ADGRB3: variants seen among roughly 807,000 people sequenced by gnomAD.
ADGRB3 encodes brain-specific angiogenesis inhibitor 3.
ADGRB3 carries 37 observed loss-of-function variants against 193.4 expected under a neutral mutation model. The ratio of observed to expected loss-of-function variants is 0.19; its 90% CI spans 0.15 to 0.25. The LOEUF is 0.25. Ranked by LOEUF, ADGRB3 falls within the 10% of genes least tolerant of loss-of-function variation. The pLI is 1.00. For synonymous variants in ADGRB3, 690 were observed against 644.2 expected, an observed-to-expected ratio of 1.07 and a Z score of -1.08; for missense variants, 1,637 against 1,852.9, an observed-to-expected ratio of 0.88 and a Z score of 2.14.
At chr6:69,287,838 T>C (rs1767584915) in intron 20 of ADGRB3, among the ~76,000 whole-genome samples, 1 of 152,210 alleles carries the variant, frequency 6.6e-6, no homozygotes, top group Admixed American at 6.5e-5. Context: ...TTTCCATAAC[T>C]GAGAAATTCT....
chr6:68,983,100 G>A (rs1336647), intron 10 of ADGRB3, among the ~76,000 whole-genome samples: 85,723 of 151,812 alleles, frequency 0.56, 24,514 homozygotes, highest in East Asian at 0.69. Flanking sequence ...TCCCAAACCA[G>A]TAAATTTAAA....
chr6:69,071,141 C>T (rs1772067474), intron 16 of ADGRB3, among the ~76,000 whole-genome samples: 1 of 152,154 alleles, frequency 6.6e-6, no homozygotes, highest in Non-Finnish European at 1.5e-5. Flanking sequence ...AGAATGGTTG[C>T]AGAATGGTTA....
chr6:68,690,281 G>A (rs1765050264), intron 3 of ADGRB3, among the ~76,000 whole-genome samples: 1 of 152,128 alleles, frequency 6.6e-6, no homozygotes, highest in Non-Finnish European at 1.5e-5. Context: ...TGTGCAGGAA[G>A]TTTTTCCCTA....
intron 30 of ADGRB3, among the ~76,000 whole-genome samples, chr6:69,377,059 T>C (rs540069120): frequency 1.3e-5 from 2 of 152,204 alleles, no homozygotes; most frequent in South Asian, 2.1e-4. Flanking sequence ...GAGGGATGCA[T>C]TGGGACTCCA....
At chr6:69,059,196 A>G (rs1406363282) in intron 15 of ADGRB3, among the ~76,000 whole-genome samples, 2 of 152,150 alleles carry the variant, frequency 1.3e-5, no homozygotes, top group East Asian at 3.9e-4. Flanking sequence ...CAACCATTTT[A>G]TCATTACATT....
At chr6:69,235,392 C>T (rs1015949382) in intron 19 of ADGRB3, among the ~76,000 whole-genome samples, 3 of 152,136 alleles carry the variant, frequency 2.0e-5, no homozygotes, top group Non-Finnish European at 4.4e-5. Flanking sequence ...TAGTAGCCTT[C>T]AACAAGTTGC....
At chr6:69,159,178 G>T (rs1774923566) in intron 17 of ADGRB3, among the ~76,000 whole-genome samples, 1 of 151,826 alleles carries the variant, frequency 6.6e-6, no homozygotes, top group Admixed American at 6.6e-5. Context: ...TACTTTCATT[G>T]TCCCTGAAAT....
intron 3 of ADGRB3, among the ~76,000 whole-genome samples, chr6:68,792,765 A>G (rs1767133486): frequency 6.6e-6 from 1 of 152,154 alleles, no homozygotes; most frequent in South Asian, 2.1e-4. Context: ...CCCTGGTGAT[A>G]CTTATTTTTT....
At chr6:68,868,277 C>T (rs1311837941) in intron 3 of ADGRB3, among the ~76,000 whole-genome samples, 1 of 152,110 alleles carries the variant, frequency 6.6e-6, no homozygotes, top group Non-Finnish European at 1.5e-5. Flanking sequence ...TGTCATCCCC[C>T]ACTTGCTCTG....
At chr6:69,315,746 T>G (rs2127302637) in intron 20 of ADGRB3, among the ~76,000 whole-genome samples, 1 of 151,596 alleles carries the variant, frequency 6.6e-6, no homozygotes, top group East Asian at 1.9e-4. Flanking sequence ...GATATATGTA[T>G]TCTTAATTTA....
At chr6:69,054,846 C>T (rs1771499322) in intron 15 of ADGRB3, among the ~76,000 whole-genome samples, 1 of 152,078 alleles carries the variant, frequency 6.6e-6, no homozygotes, top group Admixed American at 6.5e-5. Flanking sequence ...GTTTTAAAAA[C>T]AAAGATATTC....
rs564218844 is a variant in ADGRB3 at position 69,018,690 on chromosome 6, T to C, written c.2107+191T>C. ...ATTGCATTATATATATGTACGCGTA[T>C]ATTTGTATTTATCTTCATGCATTTG... On this transcript the variant is annotated intron_variant, in intron 13 of 31. Coordinates refer to ENST00000370598, the MANE Select transcript of ADGRB3 (RefSeq NM_001704.3). Among the ~76,000 whole-genome samples, 8 of 152,086 alleles carry C rather than the reference T, an allele frequency of 5.3e-5. No individual in the cohort carries two copies. In the East Asian group the frequency reaches 1.5e-3, roughly 29 times the overall value.
At chr6:69,269,525 G>A (rs953851372) in intron 20 of ADGRB3, among the ~76,000 whole-genome samples, 10 of 152,070 alleles carry the variant, frequency 6.6e-5, no homozygotes, top group African/African-American at 2.4e-4. Flanking sequence ...AATTTGAATT[G>A]CATAAATGCA....
chr6:69,085,623 T>C (rs1200418540), intron 17 of ADGRB3, among the ~76,000 whole-genome samples: 1 of 152,000 alleles, frequency 6.6e-6, no homozygotes, highest in East Asian at 1.9e-4. Context: ...TTTTCCTTAA[T>C]ATTTAATTTG....
intron 30 of ADGRB3, among the ~76,000 whole-genome samples, chr6:69,379,384 C>A (rs1016988806): frequency 6.6e-6 from 1 of 151,846 alleles, no homozygotes; most frequent in African/African-American, 2.4e-5. Flanking sequence ...TAAAAAACAG[C>A]TAAATGAAAT....
chr6:69,106,974 A>G (rs1007341158), intron 17 of ADGRB3, among the ~76,000 whole-genome samples: 2 of 152,220 alleles, frequency 1.3e-5, no homozygotes, highest in Non-Finnish European at 2.9e-5. Flanking sequence ...CCGTTAGTTC[A>G]CTTGAATATA....
chr6:68,862,048 G>T (rs1765169865), intron 3 of ADGRB3, among the ~76,000 whole-genome samples: 1 of 151,952 alleles, frequency 6.6e-6, no homozygotes, highest in Admixed American at 6.6e-5. Context: ...TCCTGTCCTG[G>T]ATCCCAACTT....
intron 17 of ADGRB3, among the ~76,000 whole-genome samples, chr6:69,178,437 A>T (rs62406813): frequency 0.14 from 21,804 of 152,058 alleles, 1,603 homozygotes; most frequent in Middle Eastern, 0.16. Flanking sequence ...GCCTTTTATG[A>T]GGGACAATTA....
intron 13 of ADGRB3, among the ~76,000 whole-genome samples, chr6:69,019,980 A>ATGAG (rs1770216119): frequency 2.0e-5 from 3 of 152,042 alleles, no homozygotes; most frequent in Admixed American, 1.3e-4. Flanking sequence ...AATCACAGCT[A>ATGAG]TGAGTTTTAA....
Sources: allele counts gnomAD v4.1 joint callset (sites outside exome capture counted in the v4.1 genomes callset), GRCh38; gene constraint gnomAD v4.1.1; transcripts MANE v1.5; gene names NCBI Gene and HGNC (gene_info 2026-07-23, HGNC 2026-07-21).